Variants in PLEKHG1 observed in about 807,000 individuals in gnomAD.
PLEKHG1 encodes the protein pleckstrin homology and RhoGEF domain containing G1, also known as pleckstrin homology domain-containing family G member 1.
PLEKHG1 carries 44 observed loss-of-function variants against 100.8 expected under a neutral mutation model. That is an observed-to-expected ratio of 0.44 (90% CI 0.34 to 0.56). The LOEUF is 0.56. Ranked by LOEUF, PLEKHG1 falls within the 20% of genes least tolerant of loss-of-function variation. The pLI, the probability that PLEKHG1 is intolerant of heterozygous loss-of-function variation, is 0.01. For synonymous variants in PLEKHG1, 640 were observed against 662.5 expected (o/e 0.97, Z 0.52); for missense variants, 1,545 against 1,720.9 (o/e 0.90, Z 1.81).
At chr6:150,686,482 C>T (rs1396916122) in intron 3 of PLEKHG1, among the ~76,000 whole-genome samples, 1 of 152,162 alleles carries the variant, frequency 6.6e-6, no homozygotes, top group Non-Finnish European at 1.5e-5. Context: ...CCTCAGCCCT[C>T]CCACACGTGG....
At chr6:150,719,952 A>G (rs990640315), upstream of PLEKHG1, among the ~76,000 whole-genome samples, 3 of 152,222 alleles carry the variant, frequency 2.0e-5, no homozygotes, top group Admixed American at 6.5e-5. Context: ...AATCAGCATT[A>G]AAACAAATTA....
At chr6:150,621,344 A>G (rs1350768388) in intron 1 of PLEKHG1, among the ~76,000 whole-genome samples, 2 of 151,106 alleles carry the variant, frequency 1.3e-5, no homozygotes, top group Non-Finnish European at 2.9e-5. Flanking sequence ...TATTAGTTTT[A>G]CCACCTCAGG....
chr6:150,809,627 G>A, intron 9 of PLEKHG1, 21 bp from the exon 11 acceptor site: 1 of 1,605,816 alleles, frequency 6.2e-7, no homozygotes, highest in Non-Finnish European at 8.5e-7. Flanking sequence ...TTGTCTGACT[G>A]TCTACATCTC....
intron 10 of PLEKHG1, among the ~76,000 whole-genome samples, chr6:150,817,505 G>A (rs1367802068): frequency 6.6e-6 from 1 of 151,744 alleles, no homozygotes; most frequent in African/African-American, 2.4e-5. Context: ...CAGGCTCCGT[G>A]CCTTGAGCTT....
intron 3 of PLEKHG1, among the ~76,000 whole-genome samples, chr6:150,658,222 G>A (rs1240092593): frequency 6.6e-6 from 1 of 152,122 alleles, no homozygotes; most frequent in African/African-American, 2.4e-5. Flanking sequence ...CTGTGCCACA[G>A]GAAAGCCTGT....
At chr6:150,839,083 G>C (rs1422772747) in intron 15 of PLEKHG1, among the ~76,000 whole-genome samples, 1 of 152,078 alleles carries the variant, frequency 6.6e-6, no homozygotes, top group Non-Finnish European at 1.5e-5. Context: ...GGTAGCCATT[G>C]CATTGTGGAT....
chr6:150,694,409 A>G (rs919628223), intron 3 of PLEKHG1, among the ~76,000 whole-genome samples: 9 of 152,238 alleles, frequency 5.9e-5, no homozygotes, highest in African/African-American at 1.9e-4. Context: ...AATGTTTCAA[A>G]TAGTGCCTGG....
chr6:150,682,972 A>G (rs1054744040), intron 3 of PLEKHG1, among the ~76,000 whole-genome samples: 2 of 152,234 alleles, frequency 1.3e-5, no homozygotes, highest in African/African-American at 2.4e-5. Context: ...CTGACGTTAT[A>G]GTAGGAGGTC....
At chr6:150,607,979 A>G (rs1030297572) in intron 1 of PLEKHG1, among the ~76,000 whole-genome samples, 4 of 152,116 alleles carry the variant, frequency 2.6e-5, no homozygotes, top group Non-Finnish European at 1.5e-5. Flanking sequence ...GATAAATGCT[A>G]TTTCCCCCTT....
chr6:150,657,681 A>G (rs1181854983), intron 3 of PLEKHG1, among the ~76,000 whole-genome samples: 1 of 152,216 alleles, frequency 6.6e-6, no homozygotes, highest in Non-Finnish European at 1.5e-5. Flanking sequence ...AAAGCTAGGT[A>G]CAAGATCATT....
intron 1 of PLEKHG1, among the ~76,000 whole-genome samples, chr6:150,625,131 G>A (rs566450454): frequency 6.9e-6 from 1 of 145,336 alleles, no homozygotes; most frequent in East Asian, 2.1e-4. Flanking sequence ...GCTACAGAGT[G>A]AGACTCCATC....
chr6:150,704,681 G>C (rs564211079), intron 3 of PLEKHG1, among the ~76,000 whole-genome samples: 3 of 152,370 alleles, frequency 2.0e-5, no homozygotes, highest in Admixed American at 6.5e-5. Flanking sequence ...CAATCTGGTT[G>C]CTTGTTGAAA....
At chr6:150,776,063 A>G (rs910685729) in intron 3 of PLEKHG1, among the ~76,000 whole-genome samples, 1 of 152,218 alleles carries the variant, frequency 6.6e-6, no homozygotes, top group Admixed American at 6.5e-5. Flanking sequence ...AGAAGGTTCA[A>G]GGTCATAATA....
intron 1 of PLEKHG1, among the ~76,000 whole-genome samples, chr6:150,612,044 T>G (rs1409776537): frequency 2.1e-5 from 1 of 46,908 alleles, no homozygotes; most frequent in Non-Finnish European, 4.1e-5. Context: ...CCTGGTGTTG[T>G]TCCCCCCCCC....
chr6:150,619,529 T>A (rs1411851499), intron 1 of PLEKHG1, among the ~76,000 whole-genome samples: 1 of 152,152 alleles, frequency 6.6e-6, no homozygotes, highest in Non-Finnish European at 1.5e-5. Context: ...CAGTTTCATC[T>A]GAATTAATTG....
intron 4 of PLEKHG1, among the ~76,000 whole-genome samples, chr6:150,791,263 A>G (rs952183207): frequency 2.0e-5 from 3 of 152,312 alleles, no homozygotes; most frequent in South Asian, 4.1e-4. Flanking sequence ...GATCACTGGT[A>G]TAACATGATT....
Position 150,683,944 on chromosome 6 carries a change from A to G in PLEKHG1, c.-99+33158A>G. 1.8e-6 allele frequency: 1 copy of G among 548,050 alleles called. No individual in the cohort carries two copies. Among genetic ancestry groups the G allele is most frequent in the South Asian group, 1.9e-5 (1 of 53,628 alleles). The allele number at this position is 548,050 out of a possible 1,614,324, so 33.9% of individuals were successfully genotyped here. A position where few individuals can be genotyped will look rare whatever the true frequency, so the allele number is the denominator to read the frequency against. ...CCAGGGTGGTGGCAAGGGCAGTGGC[A>G]AGTAGTGGGTTTCATGGAAGGATAA... On this transcript the variant is annotated intron_variant, in intron 3 of 3. Transcript: ENST00000367326. The surrounding 1 kb of genome is among the most constrained non-coding windows in gnomAD (Gnocchi z 4.0).
At chr6:150,837,119 G>A (rs1455416402) in intron 15 of PLEKHG1, among the ~76,000 whole-genome samples, 1 of 152,090 alleles carries the variant, frequency 6.6e-6, no homozygotes, top group Non-Finnish European at 1.5e-5. Flanking sequence ...CCAAGATCCT[G>A]CCACTGCACT....
At chr6:150,804,690 C>T (rs1464086877) in exon 7 of PLEKHG1, 1 of 1,613,744 alleles carries the variant, frequency 6.2e-7, no homozygotes, top group East Asian at 2.2e-5. Context: ...AGCGAGTCGC[C>T]TGGCATATCA....
Sources: gnomAD v4.1 joint callset for allele counts (sites outside exome capture counted in the v4.1 genomes callset) on GRCh38, gnomAD v4.1.1 for gene constraint, Gnocchi (gnomAD v3.1) non-coding constraint, MANE v1.5 for transcripts, NCBI Gene and HGNC (gene_info 2026-07-23, HGNC 2026-07-21) for gene names.